The following VPS13D variants were observed in gnomAD, a reference collection of about 807,000 sequenced individuals.
VPS13D encodes the protein intermembrane lipid transfer protein VPS13D.
Under a neutral mutation model 461.9 loss-of-function variants are expected in VPS13D, and 187 were observed. That is an observed-to-expected ratio of 0.40 (90% CI 0.36 to 0.46). VPS13D has a LOEUF of 0.46. Among genes scored for constraint, VPS13D ranks in the 20% least tolerant of loss-of-function variants. The probability of loss-of-function intolerance (pLI) is 0.60; values close to 1 mark genes in which losing one functional copy is unlikely to be tolerated. For missense variants in VPS13D, 4,711 were observed against 5,364.9 expected (o/e 0.88, Z 3.81); for synonymous variants, 1,951 against 1,986.3 (o/e 0.98, Z 0.47).
intron 15 of VPS13D, 90 bp from the exon 16 acceptor site, chr1:12,268,616 T>C: frequency 7.3e-7 from 1 of 1,362,048 alleles, no homozygotes; most frequent in Non-Finnish European, 1.0e-6. Context: ...ATTTAGAAAA[T>C]GTCTGTTTTT....
intron 35 of VPS13D, among the ~76,000 whole-genome samples, chr1:12,326,627 G>T (rs1448812892): frequency 4.6e-5 from 7 of 151,322 alleles, no homozygotes; most frequent in Non-Finnish European, 7.4e-5. Flanking sequence ...TAGCCACTGT[G>T]CTCGGCCTCT....
chr1:12,363,320 T>C (rs772967306), intron 52 of VPS13D, 73 bp downstream of exon 52: 8 of 1,482,556 alleles, frequency 5.4e-6, no homozygotes, highest in African/African-American at 1.4e-5. Flanking sequence ...TAACAAGCCT[T>C]GTGTAAAATG....
At position 12,277,812 on chromosome 1, in the gene VPS13D, G is replaced by C. The variant is rs767081470; in HGVS notation, c.4224G>C (p.Gln1408His). 6.2e-7 allele frequency: 1 copy of C among 1,614,164 alleles called. No homozygotes were observed. Among genetic ancestry groups the C allele is most frequent in the Non-Finnish European group, 8.5e-7 (1 of 1,180,022 alleles). ...GACACTTGGGACAGATATTCATCCA[G>C]AATTTTGTGGCGGGAGATGATGAAT... ...LVGHLGQIFI[Q>H]NFVAGDDESR... The change falls in exon 19 of 70, where the codon CAG becomes CAC. Residue 1408 changes from glutamine to histidine, a missense_variant. Gln to His is a conservative substitution (Grantham distance 24). This residue lies in a region of VPS13D where 4,411 missense variants were observed against 4,937.8 expected (regional missense o/e 0.89). Transcript: ENST00000620676.
intron 35 of VPS13D, among the ~76,000 whole-genome samples, chr1:12,324,117 C>G (rs1643116510): frequency 6.6e-6 from 1 of 152,088 alleles, no homozygotes; most frequent in African/African-American, 2.4e-5. Context: ...CCATGTTGGC[C>G]AGACTGGTCT....
At chr1:12,335,420 A>G (rs1337691262) in intron 38 of VPS13D, among the ~76,000 whole-genome samples, 3 of 152,184 alleles carry the variant, frequency 2.0e-5, no homozygotes, top group Admixed American at 2.0e-4. Flanking sequence ...CCCTATGGGT[A>G]TTTTGATGGG....
In VPS13D at chr1:12,277,734, A is replaced by G. The variant is rs1641658512; in HGVS notation, c.4146A>G (p.Glu1382=). ...TVKLILNINI[E]SPVVSIPRKP... Reference sequence around the variant, plus strand: ...AGCTAATCTTGAACATAAACATTGAATCACCAGTTGTTTCTATCCCTCGGA... The same window carrying G: ...AGCTAATCTTGAACATAAACATTGAGTCACCAGTTGTTTCTATCCCTCGGA... Residue 1382 remains glutamate, a synonymous_variant, in exon 19 of 70, where the codon GAA becomes GAG. Transcript: ENST00000620676. 4 of 1,614,196 alleles carry G rather than the reference A, an allele frequency of 2.5e-6. No individual in the cohort carries two copies. Among genetic ancestry groups the G allele is most frequent in the African/African-American group, 1.3e-5 (1 of 75,048 alleles).
At position 12,295,222 on chromosome 1, in the gene VPS13D, CAA is replaced by C. The variant is rs112447551; in HGVS notation, c.6033+1535_6033+1536del. 1.9e-4 allele frequency among the ~76,000 whole-genome samples: 14 copies of C among 73,000 alleles called. 1 individual carries two copies. Among genetic ancestry groups the C allele is most frequent in the African/African-American group, 3.8e-4 (9 of 23,826 alleles). 47.9% of individuals were successfully genotyped at this position (73,000 alleles called of 152,430 possible). ...CCTTGGTGACAGAGCCACCATGACT[CAA>C]AAAAAAAAAAAAAAAACAAAACTTT... On this transcript the variant is annotated intron_variant, in intron 24 of 69. Coordinates refer to ENST00000620676, the MANE Select transcript of VPS13D (RefSeq NM_015378.4).
chr1:12,446,285 C>T (rs185512976), intron 65 of VPS13D, among the ~76,000 whole-genome samples: 46 of 152,130 alleles, frequency 3.0e-4, no homozygotes, highest in African/African-American at 7.5e-4. Context: ...GGCATGGTGT[C>T]GCGTGCCTGT....
At chr1:12,306,020 G>A (rs1642553430) in intron 26 of VPS13D, among the ~76,000 whole-genome samples, 1 of 151,512 alleles carries the variant, frequency 6.6e-6, no homozygotes, top group Non-Finnish European at 1.5e-5. Flanking sequence ...GTCTCACTCT[G>A]TTGCCCAGGC....
At chr1:12,444,000 C>T (rs974875005) in intron 65 of VPS13D, among the ~76,000 whole-genome samples, 10 of 152,222 alleles carry the variant, frequency 6.6e-5, no homozygotes, top group Non-Finnish European at 1.2e-4. Context: ...CACCCGCCAT[C>T]GTGCCCGGCT....
At chr1:12,291,243 T>C in intron 23 of VPS13D, 119 bp downstream of exon 23, 1 of 1,125,908 alleles carries the variant, frequency 8.9e-7, no homozygotes, top group Non-Finnish European at 1.2e-6. Context: ...AGAGGTGAAA[T>C]TGAGAAGTTA....
intron 50 of VPS13D, among the ~76,000 whole-genome samples, chr1:12,361,647 G>A (rs1214476756): frequency 2.6e-5 from 4 of 151,318 alleles, no homozygotes; most frequent in African/African-American, 4.9e-5. Flanking sequence ...CGCCCGCCTC[G>A]GCCTCCCAAA....
chr1:12,399,104 C>T (rs989004096), intron 60 of VPS13D, among the ~76,000 whole-genome samples: 61 of 152,242 alleles, frequency 4.0e-4, no homozygotes, highest in African/African-American at 1.2e-3. Flanking sequence ...CATGGAGCTT[C>T]GCACATAGTA....
intron 66 of VPS13D, among the ~76,000 whole-genome samples, chr1:12,458,853 T>C (rs1488082848): frequency 6.6e-6 from 1 of 152,238 alleles, no homozygotes; most frequent in Non-Finnish European, 1.5e-5. Context: ...TTCTGGCCTC[T>C]TCTAAGGTGT....
At chr1:12,291,654 G>T (rs1642135639) in intron 23 of VPS13D, among the ~76,000 whole-genome samples, 1 of 152,156 alleles carries the variant, frequency 6.6e-6, no homozygotes, top group Non-Finnish European at 1.5e-5. Flanking sequence ...CCCAGATAGG[G>T]TATGATTGAA....
At chr1:12,336,883 C>G (rs542809484) in intron 39 of VPS13D, 1 of 152,346 alleles carries the variant, frequency 6.6e-6, no homozygotes, top group Non-Finnish European at 1.5e-5. Flanking sequence ...CCAGAAGACT[C>G]TAAATAATCT....
chr1:12,425,888 C>G (rs1311524373), intron 65 of VPS13D, among the ~76,000 whole-genome samples: 1 of 152,180 alleles, frequency 6.6e-6, no homozygotes. Flanking sequence ...TGCAACTTCT[C>G]AGGTATAATC....
intron 42 of VPS13D, 44 bp from the exon 43 acceptor site, chr1:12,345,330 C>T (rs1643652676): frequency 5.7e-6 from 9 of 1,579,058 alleles, no homozygotes; most frequent in South Asian, 1.1e-5. Flanking sequence ...TTCATCCCTT[C>T]TGGAGATTGT....
chr1:12,290,490 A>G (rs1209133530), intron 22 of VPS13D, among the ~76,000 whole-genome samples: 4 of 152,160 alleles, frequency 2.6e-5, no homozygotes, highest in Non-Finnish European at 4.4e-5. Context: ...TGGGAGGCCA[A>G]GGCGGGCGGA....
Sources: allele counts gnomAD v4.1 joint callset (sites outside exome capture counted in the v4.1 genomes callset), GRCh38; gene constraint gnomAD v4.1.1; regional missense constraint gnomAD v4.1.1; transcripts MANE v1.5; gene names NCBI Gene and HGNC (gene_info 2026-07-23, HGNC 2026-07-21).